Variants in CELF2 observed in about 807,000 individuals in gnomAD.
CELF2 encodes the protein CUGBP Elav-like family member 2.
CELF2 carries 8 observed loss-of-function variants against 62.6 expected under a neutral mutation model. That is an observed-to-expected ratio of 0.13 (90% CI 0.07 to 0.23). CELF2 has a LOEUF of 0.23. CELF2 is among the 10% of genes least tolerant of loss of function. The pLI, the probability that CELF2 is intolerant of heterozygous loss-of-function variation, is 1.00. For synonymous variants in CELF2, 258 were observed against 250.0 expected, an observed-to-expected ratio of 1.03 and a Z score of -0.30; for missense variants, 333 against 671.0, an observed-to-expected ratio of 0.50 and a Z score of 5.56.
the CELF2 span, among the ~76,000 whole-genome samples, chr10:10,667,505 A>G: frequency 6.6e-6 from 1 of 152,230 alleles, no homozygotes; most frequent in Non-Finnish European, 1.5e-5. Flanking sequence ...ACGACTATAA[A>G]TCAGTGTTGA....
intron 1 of CELF2, among the ~76,000 whole-genome samples, chr10:11,037,482 A>G (rs369908130): frequency 6.6e-6 from 1 of 152,084 alleles, no homozygotes; most frequent in Non-Finnish European, 1.5e-5. Context: ...TTTTATCTGG[A>G]TGTTTCCTGG....
At chr10:10,727,502 C>T in the CELF2 span, among the ~76,000 whole-genome samples, 3,883 of 152,214 alleles carry the variant, frequency 0.026, 46 homozygotes, top group Middle Eastern at 0.048. Context: ...CAGGGCCGGG[C>T]GCGGTGGCTC....
chr10:11,165,753 C>G lies in CELF2; in HGVS notation c.271+71C>G. On this transcript the variant is annotated intron_variant, in intron 2 of 12. Transcript: ENST00000633077. The surrounding 1 kb of genome is among the most constrained non-coding windows in gnomAD (Gnocchi z 7.4). ...GCGGGGCACTGGGGCTGTCCGAGCC[C>G]CCAGCCTGCAGGAGGAAGGGCGGGT... 1.4e-6 allele frequency: 2 copies of G among 1,422,456 alleles called. No homozygotes were observed. Among genetic ancestry groups the G allele is most frequent in the Non-Finnish European group, 1.9e-6 (2 of 1,055,122 alleles). 88.1% of individuals were successfully genotyped at this position (1,422,456 alleles called of 1,614,324 possible).
intron 12 of CELF2, among the ~76,000 whole-genome samples, chr10:11,327,017 T>TATCA (rs536518171): frequency 4.5e-4 from 68 of 152,332 alleles, no homozygotes; most frequent in African/African-American, 1.4e-3. Context: ...TAATTTGTGC[T>TATCA]ATCACCCAGG....
chr10:10,465,596 C>T, the CELF2 span, among the ~76,000 whole-genome samples: 1 of 152,018 alleles, frequency 6.6e-6, no homozygotes, highest in African/African-American at 2.4e-5. Flanking sequence ...GGGCAGGAAG[C>T]GCTGAATGGG....
the CELF2 span, among the ~76,000 whole-genome samples, chr10:10,777,484 C>T: frequency 6.6e-6 from 1 of 152,202 alleles, no homozygotes; most frequent in South Asian, 2.1e-4. Flanking sequence ...TCATCCTCAA[C>T]ATCCCATCAG....
chr10:10,942,374 A>G (rs114597941), intron 2 of CELF2, among the ~76,000 whole-genome samples: 336 of 152,214 alleles, frequency 2.2e-3, no homozygotes, highest in African/African-American at 7.3e-3. Flanking sequence ...CTGTGGATGG[A>G]TCTGCTTGCA....
intron 1 of CELF2, chr10:11,092,461 T>G (rs2048579530): frequency 1.3e-5 from 2 of 152,118 alleles, no homozygotes; most frequent in Non-Finnish European, 2.9e-5. Flanking sequence ...AACAAAAGAT[T>G]AAGAAAAGAA....
the CELF2 span, among the ~76,000 whole-genome samples, chr10:10,624,151 C>G: frequency 6.6e-6 from 1 of 152,210 alleles, no homozygotes; most frequent in Non-Finnish European, 1.5e-5. Flanking sequence ...GGGTGACAAA[C>G]AGATCCCTGT....
the CELF2 span, among the ~76,000 whole-genome samples, chr10:10,782,084 G>A: frequency 6.6e-6 from 1 of 152,160 alleles, no homozygotes; most frequent in East Asian, 1.9e-4. Context: ...CCATTTTACG[G>A]AAGGAATTTC....
rs575795803 is a variant in CELF2 at position 10,968,108 on chromosome 10, G to A, written c.89+48109G>A. On this transcript the variant is annotated intron_variant, in intron 2 of 13. Transcript: ENST00000636488. ...CTGTCTAGTCCTCACTTTTTTCTCA[G>A]AGGTTATAGAAAGGTCAACAAAACG... is the stretch of plus-strand genomic sequence containing the variant. Among the ~76,000 whole-genome samples the A allele has an allele frequency of 1.4e-4, 22 of 152,008 alleles. No homozygotes were observed. In the South Asian group the frequency reaches 4.4e-3, roughly 30 times the overall value.
chr10:11,322,035 C>T (rs149499775), intron 11 of CELF2, among the ~76,000 whole-genome samples: 6 of 152,276 alleles, frequency 3.9e-5, no homozygotes, highest in Non-Finnish European at 7.4e-5. Context: ...TAAATAATTC[C>T]CAGGGACCTC....
intron 1 of CELF2, among the ~76,000 whole-genome samples, chr10:10,875,375 C>G (rs1052243729): frequency 6.6e-6 from 1 of 152,182 alleles, no homozygotes; most frequent in Non-Finnish European, 1.5e-5. Flanking sequence ...TGGATTTTTA[C>G]GTGTAATCAC....
At chr10:11,263,321 AT>A (rs925912603) in intron 5 of CELF2, among the ~76,000 whole-genome samples, 2 of 151,320 alleles carry the variant, frequency 1.3e-5, no homozygotes, top group African/African-American at 2.4e-5. Flanking sequence ...TTACAGTTGG[AT>A]TTTTTTTTGC....
At chr10:11,083,375 A>T (rs546297723) in intron 1 of CELF2, among the ~76,000 whole-genome samples, 134 of 152,314 alleles carry the variant, frequency 8.8e-4, no homozygotes, top group South Asian at 4.1e-3. Flanking sequence ...CCTTAAATGT[A>T]AATGTAATTG....
At chr10:10,850,737 G>A (rs1296997102) in intron 1 of CELF2, among the ~76,000 whole-genome samples, 1 of 152,024 alleles carries the variant, frequency 6.6e-6, no homozygotes, top group Non-Finnish European at 1.5e-5. Flanking sequence ...TAACCTAATG[G>A]GGTGCACAAT....
Position 10,856,234 on chromosome 10 carries a change from A to G in CELF2, c.53+57417A>G, listed in dbSNP as rs1176479533. On this transcript the variant is annotated intron_variant, in intron 1 of 13. Transcript: ENST00000636488. ...ACTCTGTTATTTAGATATTAATTGC[A>G]TTTTCACACCGGATCGCGTTGTTTT... Among the ~76,000 whole-genome samples, 3 of 152,288 alleles carry G rather than the reference A, an allele frequency of 2.0e-5. No homozygotes were observed. In the East Asian group the frequency reaches 5.8e-4, roughly 29 times the overall value.
At position 11,315,166 on chromosome 10, in the gene CELF2, C is replaced by T. The variant is rs1284596238; in HGVS notation, c.1096+908C>T. ...GAGGAAACTGATCCTCAGCCCACAG[C>T]GGGGACATGTAATTTCCCTGTCCCT... On this transcript the variant is annotated intron_variant, in intron 10 of 12. Transcript: ENST00000633077. This position sits in a 1 kb window ranked among gnomAD's most constrained non-coding sequence, Gnocchi z 5.8. Among the ~76,000 whole-genome samples the T allele has an allele frequency of 2.6e-5, 4 of 152,022 alleles. No homozygotes were observed. In the South Asian group the frequency reaches 6.2e-4, roughly 24 times the overall value.
At position 11,269,066 on chromosome 10, in the gene CELF2, T is replaced by C. The variant is rs2082975956; in HGVS notation, c.619-1600T>C. On this transcript the variant is annotated intron_variant, in intron 6 of 12. Transcript: ENST00000633077. The surrounding 1 kb of genome is among the most constrained non-coding windows in gnomAD (Gnocchi z 4.4). ...TTCTGTTAGGAGAGATGCTATAATT[T>C]GTTATGGAACAAATTTGATGGAACA... Among the ~76,000 whole-genome samples, 1 of 152,224 alleles carries C rather than the reference T, an allele frequency of 6.6e-6. No individual in the cohort carries two copies.
Sources: gnomAD v4.1 joint callset for allele counts (sites outside exome capture counted in the v4.1 genomes callset) on GRCh38, gnomAD v4.1.1 for gene constraint, Gnocchi (gnomAD v3.1) non-coding constraint, MANE v1.5 for transcripts, NCBI Gene and HGNC (gene_info 2026-07-23, HGNC 2026-07-21) for gene names.